MAP4K4: variants seen among roughly 807,000 people sequenced by gnomAD.
MAP4K4 encodes mitogen-activated protein kinase kinase kinase kinase 4.
In MAP4K4, 38 loss-of-function variants were observed where a neutral mutation model predicts 189.6. The observed-to-expected ratio is 0.20, with a 90% CI of 0.15 to 0.26. The LOEUF is 0.26. Ranked by LOEUF, MAP4K4 falls within the 10% of genes least tolerant of loss-of-function variation. The pLI is 1.00. For synonymous variants in MAP4K4, 610 were observed against 624.3 expected, an observed-to-expected ratio of 0.98 and a Z score of 0.34; for missense variants, 1,054 against 1,726.9, an observed-to-expected ratio of 0.61 and a Z score of 6.91.
rs1227311831 is a variant in MAP4K4, at chr2:101,778,728, C to CT, written c.124-11987dup. Among the ~76,000 whole-genome samples the CT allele has an allele frequency of 2.0e-5, 3 of 152,230 alleles. No individual in the cohort carries two copies. In the East Asian group the frequency reaches 5.8e-4, roughly 29 times the overall value. ...ATACCAATCCCTGACTGCCCGGGTG[C>CT]TTTTTACTCCTCAGGGTTTACATCC... On this transcript the variant is annotated intron_variant, in intron 2 of 32. Coordinates refer to ENST00000324219, the Ensembl canonical transcript of MAP4K4.
intron 2 of MAP4K4, among the ~76,000 whole-genome samples, chr2:101,756,347 G>A (rs1485441093): frequency 1.3e-5 from 2 of 152,090 alleles, no homozygotes; most frequent in South Asian, 2.1e-4. Flanking sequence ...AAGCCAAGAG[G>A]GAATCTGGAA....
intron 2 of MAP4K4, among the ~76,000 whole-genome samples, chr2:101,726,823 C>A (rs1340845828): frequency 1.3e-5 from 2 of 152,056 alleles, no homozygotes; most frequent in Non-Finnish European, 2.9e-5. Flanking sequence ...TAATAGAATA[C>A]CTGAAACTGG....
At chr2:101,812,773 C>T (rs923274896) in intron 3 of MAP4K4, among the ~76,000 whole-genome samples, 5 of 152,066 alleles carry the variant, frequency 3.3e-5, no homozygotes, top group African/African-American at 7.3e-5. Context: ...AGGTTAAGTG[C>T]GAGATAAAAT....
At chr2:101,716,561 G>A (rs542385215) in intron 2 of MAP4K4, among the ~76,000 whole-genome samples, 8 of 152,124 alleles carry the variant, frequency 5.3e-5, no homozygotes, top group Non-Finnish European at 8.8e-5. Context: ...AAAGAAGGCA[G>A]TAAACCCATC....
intron 2 of MAP4K4, among the ~76,000 whole-genome samples, chr2:101,708,536 A>G (rs2043642359): frequency 1.3e-5 from 2 of 152,246 alleles, no homozygotes; most frequent in South Asian, 2.1e-4. Flanking sequence ...ATTAATTACC[A>G]TGCTGGCTGC....
chr2:101,775,765 C>T (rs1379931656), intron 2 of MAP4K4, among the ~76,000 whole-genome samples: 2 of 152,182 alleles, frequency 1.3e-5, no homozygotes, highest in East Asian at 3.9e-4. Context: ...TCCTGGAGTA[C>T]TTACTCTCAG....
At chr2:101,851,171 T>C (rs941045474) in intron 12 of MAP4K4, among the ~76,000 whole-genome samples, 2 of 152,218 alleles carry the variant, frequency 1.3e-5, no homozygotes, top group African/African-American at 2.4e-5. Flanking sequence ...CAAGTACATA[T>C]TTACTTAGGC....
intron 2 of MAP4K4, among the ~76,000 whole-genome samples, chr2:101,748,588 C>T (rs1484933739): frequency 6.6e-6 from 1 of 152,146 alleles, no homozygotes; most frequent in Non-Finnish European, 1.5e-5. Context: ...GTGGATGGAT[C>T]TCTTGAGCCC....
At chr2:101,757,202 T>A (rs1342343284) in intron 2 of MAP4K4, among the ~76,000 whole-genome samples, 2 of 152,224 alleles carry the variant, frequency 1.3e-5, no homozygotes, top group Non-Finnish European at 2.9e-5. Flanking sequence ...CATCAGAAAC[T>A]CATTGAAATA....
intron 26 of MAP4K4, among the ~76,000 whole-genome samples, chr2:101,875,523 T>G (rs577760571): frequency 6.6e-6 from 1 of 152,188 alleles, no homozygotes; most frequent in Non-Finnish European, 1.5e-5. Context: ...GTTCTCTCAA[T>G]GCCGTCACAA....
intron 2 of MAP4K4, among the ~76,000 whole-genome samples, chr2:101,716,025 C>T (rs1468398479): frequency 6.6e-6 from 1 of 152,168 alleles, no homozygotes; most frequent in Non-Finnish European, 1.5e-5. Flanking sequence ...CACTGTCTCC[C>T]ACCACTGCCA....
At chr2:101,893,190 C>G (rs997642457) in exon 33 of MAP4K4, 10 of 456,312 alleles carry the variant, frequency 2.2e-5, no homozygotes, top group African/African-American at 2.0e-4. Flanking sequence ...CTACAAACAT[C>G]TGGTAAGACA....
intron 2 of MAP4K4, among the ~76,000 whole-genome samples, chr2:101,744,474 A>G (rs2064278160): frequency 6.6e-6 from 1 of 152,066 alleles, no homozygotes; most frequent in African/African-American, 2.4e-5. Context: ...TCTTTTTACT[A>G]CTTAATGAAC....
chr2:101,836,014 T>C, intron 9 of MAP4K4, 36 bp downstream of exon 9: 1 of 1,456,056 alleles, frequency 6.9e-7, no homozygotes, highest in Non-Finnish European at 9.6e-7. Flanking sequence ...TTCTTTTCCC[T>C]TTTTTTTAAA....
At chr2:101,841,546 G>A (rs903567613) in intron 10 of MAP4K4, among the ~76,000 whole-genome samples, 1 of 151,536 alleles carries the variant, frequency 6.6e-6, no homozygotes, top group Non-Finnish European at 1.5e-5. Flanking sequence ...TTGGCTCACT[G>A]CAGCCTCCGC....
chr2:101,783,627 A>G (rs780521039), intron 2 of MAP4K4, among the ~76,000 whole-genome samples: 20 of 152,194 alleles, frequency 1.3e-4, no homozygotes, highest in Admixed American at 3.3e-4. Flanking sequence ...TGCCTAATAG[A>G]AAAACGCAAC....
At chr2:101,759,845 C>T (rs1377595319) in intron 2 of MAP4K4, among the ~76,000 whole-genome samples, 1 of 144,638 alleles carries the variant, frequency 6.9e-6, no homozygotes, top group Non-Finnish European at 1.5e-5. Context: ...TTTCCCTTTC[C>T]ATCCGTCTCC....
intron 8 of MAP4K4, among the ~76,000 whole-genome samples, 181 bp from the exon 9 acceptor site, chr2:101,835,719 T>C (rs925252106): frequency 2.0e-5 from 3 of 152,230 alleles, no homozygotes; most frequent in African/African-American, 7.2e-5. Context: ...CACTTTGCTA[T>C]TTTTAAATGG....
In MAP4K4 at chr2:101,855,970, T is replaced by TA; in HGVS notation, c.1234-6dup. ...TCCCTGGTAATTATACATTTTTACT[T>TA]ACGTAGCAACAAAGGAGAGAGCGGG... On this transcript the variant is annotated splice_region_variant and splice_polypyrimidine_tract_variant and intron_variant, in intron 12 of 32. Coordinates refer to ENST00000324219, the Ensembl canonical transcript of MAP4K4. 1 of 1,540,778 alleles carries TA rather than the reference T, an allele frequency of 6.5e-7. No homozygotes were observed. Among genetic ancestry groups the TA allele is most frequent in the Non-Finnish European group, 8.7e-7 (1 of 1,144,156 alleles).
Sources: allele counts gnomAD v4.1 joint callset (sites outside exome capture counted in the v4.1 genomes callset), GRCh38; gene constraint gnomAD v4.1.1; transcripts MANE v1.5; gene names NCBI Gene and HGNC (gene_info 2026-07-23, HGNC 2026-07-21).